The following TENM1 variants were observed in gnomAD, a reference collection of about 807,000 sequenced individuals.
TENM1 encodes the protein teneurin-1.
A neutral mutation model predicts 174.8 loss-of-function variants in TENM1; 35 were observed. The observed-to-expected ratio is 0.20, with a 90% CI of 0.15 to 0.27. TENM1 has a LOEUF of 0.27. Among genes scored for constraint, TENM1 ranks in the 10% least tolerant of loss-of-function variants. The pLI is 1.00. For synonymous variants in TENM1, 781 were observed against 798.7 expected (o/e 0.98, Z 0.37); for missense variants, 1,633 against 2,130.1 (o/e 0.77, Z 4.59).
chrX:124,537,650 A>G (rs1324974278), intron 15 of TENM1, among the ~76,000 whole-genome samples: 2 of 112,133 alleles, frequency 1.8e-5, no homozygotes, highest in African/African-American at 6.5e-5. Context: ...AGCACTTCCT[A>G]TGTGGAGTGT....
the TENM1 span, among the ~76,000 whole-genome samples, chrX:125,164,533 A>C: frequency 8.9e-6 from 1 of 112,073 alleles, no homozygotes; most frequent in Non-Finnish European, 1.9e-5. Context: ...TTTGTATTGC[A>C]CTTAAGTCTA....
At chrX:124,672,976 T>G (rs1480107503) in intron 5 of TENM1, among the ~76,000 whole-genome samples, 1 of 112,158 alleles carries the variant, frequency 8.9e-6, no homozygotes, top group African/African-American at 3.2e-5. Flanking sequence ...ATGATTTCTG[T>G]GTTTTCCATA....
chrX:124,926,098 G>C (rs1260572606), intron 1 of TENM1, among the ~76,000 whole-genome samples: 1 of 112,495 alleles, frequency 8.9e-6, no homozygotes, highest in African/African-American at 3.2e-5. Flanking sequence ...TGGGATGTCA[G>C]ATTAAATCTC....
intron 22 of TENM1, among the ~76,000 whole-genome samples, chrX:124,455,241 T>G (rs2061091946): frequency 8.9e-6 from 1 of 112,091 alleles, no homozygotes; most frequent in Admixed American, 9.5e-5. Flanking sequence ...GGGAATTCCA[T>G]GTCCATAAAT....
At chrX:124,880,630 T>C (rs189659388) in intron 3 of TENM1, among the ~76,000 whole-genome samples, 2 of 112,188 alleles carry the variant, frequency 1.8e-5, no homozygotes, top group Admixed American at 1.9e-4. Context: ...TTTCAGCTTT[T>C]CCCTATTCAG....
At position 124,961,537 on chromosome X, in the gene TENM1, G is replaced by A. The variant is rs1010767123; in HGVS notation, c.217+2000C>T. Among the ~76,000 whole-genome samples, 7 of 111,237 alleles carry A rather than the reference G, an allele frequency of 6.3e-5. No individual in the cohort carries two copies. In the Admixed American group the frequency reaches 6.7e-4, roughly 11 times the overall value. ...CGCGTACCTGAAATCCCAGCTACTCGGGAGGCTAAGGCACGAGAATCACTT... is the reference window on the plus strand; with the variant it reads ...CGCGTACCTGAAATCCCAGCTACTCAGGAGGCTAAGGCACGAGAATCACTT... On this transcript the variant is annotated intron_variant, in intron 1 of 31. Coordinates refer to ENST00000422452, the Ensembl canonical transcript of TENM1.
At chrX:124,613,937 C>T (rs980292476) in intron 11 of TENM1, among the ~76,000 whole-genome samples, 2 of 111,681 alleles carry the variant, frequency 1.8e-5, no homozygotes, top group South Asian at 7.5e-4. Context: ...CCGTGGGAAG[C>T]TGGGTGCCTA....
intron 15 of TENM1, among the ~76,000 whole-genome samples, chrX:124,537,612 G>A (rs2048232339): frequency 8.9e-6 from 1 of 111,808 alleles, no homozygotes; most frequent in African/African-American, 3.2e-5. Context: ...CAGAATTATG[G>A]CTACCTGGAG....
chrX:124,681,251 T>C (rs950578639), intron 5 of TENM1, among the ~76,000 whole-genome samples: 1 of 111,453 alleles, frequency 9.0e-6, no homozygotes, highest in Admixed American at 9.6e-5. Flanking sequence ...AGACAGGATA[T>C]GATAGAGAAG....
intron 3 of TENM1, among the ~76,000 whole-genome samples, chrX:124,760,558 G>C (rs1162345142): frequency 8.9e-6 from 1 of 112,017 alleles, no homozygotes; most frequent in African/African-American, 3.2e-5. Context: ...ATGGATTAAA[G>C]ACTTAAATGT....
chrX:124,701,479 C>CAT (rs747854232), intron 5 of TENM1, among the ~76,000 whole-genome samples: 5 of 111,797 alleles, frequency 4.5e-5, no homozygotes, highest in Non-Finnish European at 9.4e-5. Flanking sequence ...TGACACCTTG[C>CAT]ATATGGTCAT....
chrX:125,122,653 T>C, the TENM1 span, among the ~76,000 whole-genome samples: 1 of 111,561 alleles, frequency 9.0e-6, no homozygotes, highest in African/African-American at 3.3e-5. Flanking sequence ...ACTATTTAAG[T>C]ATCAACCATA....
chrX:124,857,788 C>G (rs1442028505), intron 3 of TENM1, among the ~76,000 whole-genome samples: 3 of 109,397 alleles, frequency 2.7e-5, no homozygotes, highest in Admixed American at 9.6e-5. Flanking sequence ...AAACCAGAAG[C>G]AATCAAATAT....
At chrX:125,103,909 G>C in the TENM1 span, among the ~76,000 whole-genome samples, 1 of 111,844 alleles carries the variant, frequency 8.9e-6, no homozygotes, top group Admixed American at 9.5e-5. Context: ...AGAATCACTT[G>C]AACCCGGAAG....
At chrX:124,816,931 C>T (rs1385889138) in intron 3 of TENM1, among the ~76,000 whole-genome samples, 2 of 109,824 alleles carry the variant, frequency 1.8e-5, no homozygotes, top group Non-Finnish European at 3.8e-5. Flanking sequence ...GGTGCATGTG[C>T]AGAACATGCA....
chrX:125,089,228 T>G, the TENM1 span, among the ~76,000 whole-genome samples: 12 of 112,041 alleles, frequency 1.1e-4, no homozygotes, highest in African/African-American at 3.6e-4. Flanking sequence ...AAGATACCTC[T>G]GTTATAGTTT....
chrX:124,444,387 A>C (rs2060943289), intron 23 of TENM1, among the ~76,000 whole-genome samples: 1 of 112,086 alleles, frequency 8.9e-6, no homozygotes, highest in South Asian at 3.7e-4. Context: ...TAATTACATC[A>C]CATCATATGT....
chrX:124,440,386 C>T (rs984505770), intron 23 of TENM1, among the ~76,000 whole-genome samples: 1 of 111,352 alleles, frequency 9.0e-6, no homozygotes, highest in Non-Finnish European at 1.9e-5. Context: ...TTTGTAAAGC[C>T]CTTCACACTT....
intron 25 of TENM1, among the ~76,000 whole-genome samples, chrX:124,417,643 C>T (rs777301272): frequency 1.2e-3 from 131 of 111,280 alleles, no homozygotes; most frequent in African/African-American, 4.1e-3. Context: ...AACACCAGTA[C>T]ATCTCAAATT....
Sources: allele counts gnomAD v4.1 joint callset (sites outside exome capture counted in the v4.1 genomes callset), GRCh38; gene constraint gnomAD v4.1.1; transcripts MANE v1.5; gene names NCBI Gene and HGNC (gene_info 2026-07-23, HGNC 2026-07-21).